The following PHACTR1 variants were observed in gnomAD, a reference collection of about 807,000 sequenced individuals.
PHACTR1 encodes RPEL repeat containing 1.
Under a neutral mutation model 69.2 loss-of-function variants are expected in PHACTR1, and 16 were observed. That is an observed-to-expected ratio of 0.23 (90% confidence interval 0.16 to 0.35). The LOEUF (loss-of-function observed/expected upper bound fraction) is 0.35. Among genes scored for constraint, PHACTR1 ranks in the 10% least tolerant of loss-of-function variants. The pLI is 1.00. For missense variants in PHACTR1, 510 were observed against 734.7 expected (o/e 0.69, Z 3.54); for synonymous variants, 312 against 284.5 (o/e 1.10, Z -0.97).
At chr6:12,771,299 A>T (rs1561867059) in intron 4 of PHACTR1, among the ~76,000 whole-genome samples, 1 of 152,206 alleles carries the variant, frequency 6.6e-6, no homozygotes, top group East Asian at 1.9e-4. Flanking sequence ...GGAGAGGGGT[A>T]GATGACCTCT....
At chr6:12,914,128 T>G (rs1005802402) in intron 4 of PHACTR1, among the ~76,000 whole-genome samples, 2 of 151,716 alleles carry the variant, frequency 1.3e-5, no homozygotes, top group African/African-American at 2.4e-5. Context: ...GCCTCCCAGG[T>G]AGCTGGGATT....
At chr6:12,756,470 G>A (rs1767335486) in intron 4 of PHACTR1, among the ~76,000 whole-genome samples, 1 of 152,130 alleles carries the variant, frequency 6.6e-6, no homozygotes, top group South Asian at 2.1e-4. Flanking sequence ...ATGAAGGGTA[G>A]TTAAATAAAA....
At chr6:12,768,366 G>A (rs1241379780) in intron 4 of PHACTR1, among the ~76,000 whole-genome samples, 2 of 151,962 alleles carry the variant, frequency 1.3e-5, no homozygotes, top group African/African-American at 4.8e-5. Flanking sequence ...CGCCCTCCTC[G>A]GCCTCCCAAA....
At chr6:12,788,474 C>T (rs966759061) in intron 4 of PHACTR1, among the ~76,000 whole-genome samples, 1 of 152,104 alleles carries the variant, frequency 6.6e-6, no homozygotes, top group Non-Finnish European at 1.5e-5. Context: ...AGAATAAATT[C>T]ATCAGGACAC....
intron 4 of PHACTR1, among the ~76,000 whole-genome samples, chr6:12,815,780 G>A (rs964484754): frequency 1.3e-5 from 2 of 152,126 alleles, no homozygotes; most frequent in Admixed American, 6.5e-5. Context: ...GCTTGCTTTT[G>A]TTACTTAACT....
At chr6:13,286,099 TTC>T in intron 13 of PHACTR1, 45 bp from the exon 14 acceptor site, 2 of 1,504,674 alleles carry the variant, frequency 1.3e-6, no homozygotes, top group Non-Finnish European at 1.8e-6. Flanking sequence ...GGGAGTTTTT[TTC>T]TGTCTCTCTC....
At chr6:13,222,446 A>G (rs1584034111) in intron 8 of PHACTR1, among the ~76,000 whole-genome samples, 1 of 152,286 alleles carries the variant, frequency 6.6e-6, no homozygotes, top group East Asian at 1.9e-4. Flanking sequence ...AGTAAGTAGA[A>G]CCCCACGAGC....
chr6:13,160,485 A>G (rs1758831973), intron 6 of PHACTR1, among the ~76,000 whole-genome samples: 2 of 152,226 alleles, frequency 1.3e-5, no homozygotes, highest in African/African-American at 2.4e-5. Flanking sequence ...GAAGGAAATA[A>G]AACTCCCTTT....
At chr6:13,169,598 A>T (rs1758574620) in intron 6 of PHACTR1, among the ~76,000 whole-genome samples, 1 of 152,332 alleles carries the variant, frequency 6.6e-6, no homozygotes, top group Admixed American at 6.5e-5. Context: ...AATGTGTAGC[A>T]TTATGGAAGC....
At chr6:12,832,047 G>T (rs150999870) in intron 4 of PHACTR1, among the ~76,000 whole-genome samples, 1 of 152,062 alleles carries the variant, frequency 6.6e-6, no homozygotes, top group African/African-American at 2.4e-5. Context: ...GTTTAAGGCT[G>T]CAGGGAGCCA....
At chr6:13,229,964 T>A in intron 9 of PHACTR1, 73 bp from the exon 10 acceptor site, 1 of 1,456,956 alleles carries the variant, frequency 6.9e-7, no homozygotes, top group South Asian at 1.4e-5. Flanking sequence ...TTGTATCTTA[T>A]GACCCAGGGT....
intron 4 of PHACTR1, among the ~76,000 whole-genome samples, chr6:12,987,029 T>C (rs978446309): frequency 2.0e-5 from 3 of 150,918 alleles, no homozygotes; most frequent in African/African-American, 7.3e-5. Context: ...GAATGTACTG[T>C]ATTCACAATT....
chr6:12,749,564 C>T (rs1414729910), intron 3 of PHACTR1, 80 bp from the exon 4 acceptor site: 6 of 522,790 alleles, frequency 1.1e-5, no homozygotes, highest in Middle Eastern at 8.7e-4. Context: ...CCTCCCCCTC[C>T]CCCGTGCGCG....
At chr6:13,075,254 T>A (rs1441703647) in intron 5 of PHACTR1, among the ~76,000 whole-genome samples, 1 of 152,200 alleles carries the variant, frequency 6.6e-6, no homozygotes, top group Non-Finnish European at 1.5e-5. Flanking sequence ...TCATATAGTC[T>A]CATTTTGTGG....
At chr6:12,841,080 G>T (rs779417081) in intron 4 of PHACTR1, among the ~76,000 whole-genome samples, 1 of 152,132 alleles carries the variant, frequency 6.6e-6, no homozygotes, top group Non-Finnish European at 1.5e-5. Flanking sequence ...AACTGACTTC[G>T]TTTTTTTACT....
intron 4 of PHACTR1, among the ~76,000 whole-genome samples, chr6:13,046,291 T>C (rs1805028749): frequency 6.6e-6 from 1 of 152,176 alleles, no homozygotes; most frequent in Non-Finnish European, 1.5e-5. Flanking sequence ...CCACCGGGAC[T>C]TGCATTACTC....
intron 4 of PHACTR1, among the ~76,000 whole-genome samples, chr6:12,895,177 C>CTTTTTTTTTTTTTTTTTTTTTTTTTT (rs139510433): frequency 1.1e-5 from 1 of 88,294 alleles, no homozygotes; most frequent in African/African-American, 3.9e-5. Flanking sequence ...TTTCTTTTTT[C>CTTTTTTTTTTTTTTTTTTTTTTTTTT]TTTTTTTTTT....
chr6:12,843,206 A>G (rs1373039618), intron 4 of PHACTR1, among the ~76,000 whole-genome samples: 1 of 152,268 alleles, frequency 6.6e-6, no homozygotes, highest in Non-Finnish European at 1.5e-5. Flanking sequence ...CTTTGAAGAC[A>G]TGAAAATAAA....
intron 4 of PHACTR1, among the ~76,000 whole-genome samples, chr6:12,842,569 A>G (rs1778798906): frequency 6.6e-6 from 1 of 152,138 alleles, no homozygotes; most frequent in Non-Finnish European, 1.5e-5. Flanking sequence ...ACACGGTCTC[A>G]ATCTCACTCT....
Sources: gnomAD v4.1 joint callset for allele counts (sites outside exome capture counted in the v4.1 genomes callset) on GRCh38, gnomAD v4.1.1 for gene constraint, MANE v1.5 for transcripts, NCBI Gene and HGNC (gene_info 2026-07-23, HGNC 2026-07-21) for gene names.